The following MID2 variants were observed in gnomAD, a reference collection of about 807,000 sequenced individuals.
MID2 encodes the protein midline 2, also known as probable E3 ubiquitin-protein ligase MID2.
MID2 carries 13 observed loss-of-function variants against 46.1 expected under a neutral mutation model. The observed-to-expected ratio is 0.28, with a 90% CI of 0.18 to 0.45. The LOEUF is 0.45. Ranked by LOEUF, MID2 falls within the 20% of genes least tolerant of loss-of-function variation. The pLI, the probability that MID2 is intolerant of heterozygous loss-of-function variation, is 1.00. For missense variants in MID2, 431 were observed against 575.4 expected (o/e 0.75, Z 2.57); for synonymous variants, 199 against 212.3 (o/e 0.94, Z 0.55).
At chrX:107,901,002 A>T (rs1187459956) in intron 3 of MID2, 1 of 112,112 alleles carries the variant, frequency 8.9e-6, no homozygotes, top group Non-Finnish European at 1.9e-5. Flanking sequence ...TAGAGGAAGG[A>T]TTATGAGGAT....
At chrX:107,872,022 G>T (rs1932079657) in intron 3 of MID2, among the ~76,000 whole-genome samples, 1 of 112,109 alleles carries the variant, frequency 8.9e-6, no homozygotes, top group Non-Finnish European at 1.9e-5. Context: ...GAATTTCCCT[G>T]CCTCCTGCCC....
intron 2 of MID2, among the ~76,000 whole-genome samples, chrX:107,852,786 G>C (rs1404393899): frequency 9.0e-6 from 1 of 111,668 alleles, no homozygotes; most frequent in East Asian, 2.8e-4. Context: ...AGACAGAAAG[G>C]GGCCAAGTAC....
At chrX:107,845,446 T>C (rs940757234) in intron 2 of MID2, among the ~76,000 whole-genome samples, 3 of 109,370 alleles carry the variant, frequency 2.7e-5, no homozygotes, top group Non-Finnish European at 5.7e-5. Context: ...GATCTTGTTA[T>C]AAAATATTAC....
At chrX:107,864,473 G>T (rs1238656347) in intron 3 of MID2, among the ~76,000 whole-genome samples, 2 of 111,134 alleles carry the variant, frequency 1.8e-5, no homozygotes. Context: ...GCAGCTCCAG[G>T]TATCAACACT....
In MID2 at chrX:107,850,189, GACAC is replaced by G. The variant is rs201492124; in HGVS notation, c.721-4395_721-4392del. 9.9e-3 allele frequency among the ~76,000 whole-genome samples: 1,011 copies of G among 102,143 alleles called. 11 individuals are homozygous for G. The highest frequency in any genetic ancestry group is 0.031 in the African/African-American group (879 of 28,747). The allele number at this position is 102,143 out of a possible 115,157, so 88.7% of individuals were successfully genotyped here. On this transcript the variant is annotated intron_variant, in intron 2 of 9. Coordinates refer to ENST00000262843, the MANE Select transcript of MID2 (RefSeq NM_012216.4). ...AGACACACACATCCACACACACACA[GACAC>G]ACACACACACACACACACACACACC...
chrX:107,885,807 T>C (rs1359009273), intron 3 of MID2, among the ~76,000 whole-genome samples: 27 of 111,902 alleles, frequency 2.4e-4, no homozygotes, highest in South Asian at 1.1e-3. Flanking sequence ...TTTTAATGAT[T>C]GCCATTCTAA....
At chrX:107,857,362 C>G (rs1312531554) in intron 3 of MID2, among the ~76,000 whole-genome samples, 1 of 108,399 alleles carries the variant, frequency 9.2e-6, no homozygotes, top group African/African-American at 3.4e-5. Context: ...CTCACTGCAA[C>G]CTCTGCCTCC....
chrX:107,889,471 A>G (rs1344895474), intron 3 of MID2, among the ~76,000 whole-genome samples: 8 of 111,665 alleles, frequency 7.2e-5, no homozygotes, highest in Non-Finnish European at 1.1e-4. Context: ...TGGCTTGTAG[A>G]GTTTCTGCCG....
chrX:107,915,181 G>C (rs904896193), intron 5 of MID2, among the ~76,000 whole-genome samples: 10 of 112,216 alleles, frequency 8.9e-5, no homozygotes, highest in African/African-American at 1.6e-4. Flanking sequence ...CTGCTCTTGA[G>C]ACTCCTAGAT....
intron 2 of MID2, among the ~76,000 whole-genome samples, chrX:107,852,428 C>T (rs966853941): frequency 1.8e-5 from 2 of 111,816 alleles, no homozygotes; most frequent in East Asian, 2.8e-4. Context: ...TTAGAGATCA[C>T]GTCCAAATCA....
chrX:107,910,251 A>G (rs1932874312), intron 5 of MID2, among the ~76,000 whole-genome samples: 1 of 111,392 alleles, frequency 9.0e-6, no homozygotes, highest in Non-Finnish European at 1.9e-5. Context: ...ATCATATGGT[A>G]TTTGTCTTTC....
intron 3 of MID2, among the ~76,000 whole-genome samples, chrX:107,882,028 A>G (rs1380797945): frequency 8.9e-6 from 1 of 112,010 alleles, no homozygotes; most frequent in African/African-American, 3.2e-5. Context: ...ATGGAACAGA[A>G]CAGAGGCCTC....
At chrX:107,847,528 A>T (rs1931517917) in intron 2 of MID2, among the ~76,000 whole-genome samples, 1 of 112,058 alleles carries the variant, frequency 8.9e-6, no homozygotes, top group Non-Finnish European at 1.9e-5. Flanking sequence ...GAATGAATTA[A>T]AAAGGACTTT....
chrX:107,827,425 A>T (rs772515228), intron 1 of MID2, among the ~76,000 whole-genome samples: 2 of 110,762 alleles, frequency 1.8e-5, no homozygotes, highest in South Asian at 7.9e-4. Flanking sequence ...TTACTTCTCA[A>T]CCACTTTGCC....
chrX:107,846,024 A>C (rs1236800174), intron 2 of MID2, among the ~76,000 whole-genome samples: 1 of 111,685 alleles, frequency 9.0e-6, no homozygotes, highest in East Asian at 2.8e-4. Flanking sequence ...CTGTGTATGA[A>C]AGTATATCTA....
At chrX:107,830,765 C>T (rs773410514) in intron 1 of MID2, among the ~76,000 whole-genome samples, 8 of 111,723 alleles carry the variant, frequency 7.2e-5, no homozygotes, top group Non-Finnish European at 1.5e-4. Context: ...GGTGTTGAGA[C>T]AAGAAATTCC....
intron 5 of MID2, among the ~76,000 whole-genome samples, chrX:107,915,153 AGGT>A (rs1932947730): frequency 8.9e-6 from 1 of 112,486 alleles, no homozygotes; most frequent in Non-Finnish European, 1.9e-5. Flanking sequence ...AGATATTAAG[AGGT>A]ACAAAATATG....
rs759424413 is a variant in MID2, at chrX:107,926,555, G to A, written c.1806-116G>A. The A allele has an allele frequency of 9.1e-6, 7 of 769,956 alleles. No individual in the cohort carries two copies. In the Admixed American group the frequency reaches 2.4e-4, roughly 27 times the overall value. The allele number at this position is 769,956 out of a possible 1,213,427, so 63.5% of individuals were successfully genotyped here. Reference sequence around the variant, plus strand: ...TGATATCAGCATTATGCATCTAAGTGTAAACTATTTAAGGAATAAACATAT... The same window carrying A: ...TGATATCAGCATTATGCATCTAAGTATAAACTATTTAAGGAATAAACATAT... On this transcript the variant is annotated intron_variant, in intron 9 of 9. Transcript: ENST00000262843.
At chrX:107,876,956 G>C (rs1932214867) in intron 3 of MID2, among the ~76,000 whole-genome samples, 1 of 111,278 alleles carries the variant, frequency 9.0e-6, no homozygotes, top group Non-Finnish European at 1.9e-5. Flanking sequence ...ATTTCTAGGA[G>C]GGGGCAAGTG....
Sources: allele counts gnomAD v4.1 joint callset (sites outside exome capture counted in the v4.1 genomes callset), GRCh38; gene constraint gnomAD v4.1.1; transcripts MANE v1.5; gene names NCBI Gene and HGNC (gene_info 2026-07-23, HGNC 2026-07-21).